The following EXOC4 variants were observed in gnomAD, a reference collection of about 807,000 sequenced individuals.
EXOC4 encodes the protein SEC8-like 1.
In EXOC4, 71 loss-of-function variants were observed where a neutral mutation model predicts 107.2. The ratio of observed to expected loss-of-function variants is 0.66; its 90% CI spans 0.55 to 0.81. The LOEUF is 0.81. EXOC4 is among the 30% of genes least tolerant of loss of function. The pLI is 0.00. For synonymous variants in EXOC4, 456 were observed against 441.2 expected (o/e 1.03, Z -0.42); for missense variants, 1,108 against 1,189.6 (o/e 0.93, Z 1.01).
At chr7:133,329,287 C>G (rs1211348664) in intron 5 of EXOC4, among the ~76,000 whole-genome samples, 2 of 152,206 alleles carry the variant, frequency 1.3e-5, no homozygotes, top group Non-Finnish European at 2.9e-5. Flanking sequence ...TTAAGCTCTT[C>G]TCTATACTGG....
intron 5 of EXOC4, among the ~76,000 whole-genome samples, chr7:133,340,591 A>G (rs2150625008): frequency 6.6e-6 from 1 of 152,158 alleles, no homozygotes; most frequent in South Asian, 2.1e-4. Flanking sequence ...GATTAGTGTC[A>G]ATAGGATTGG....
chr7:133,253,322 T>TCTAACCCCTCCCCAGGGCC (rs1794936201), intron 1 of EXOC4, 135 bp downstream of exon 1: 2 of 1,424,682 alleles, frequency 1.4e-6, no homozygotes, highest in Admixed American at 6.1e-5. Context: ...TCCCCAGGGC[T>TCTAACCCCTCCCCAGGGCC]CTAACCCCTC....
intron 11 of EXOC4, among the ~76,000 whole-genome samples, chr7:133,848,511 T>C (rs1172602871): frequency 4.6e-5 from 7 of 152,204 alleles, no homozygotes; most frequent in Non-Finnish European, 8.8e-5. Flanking sequence ...CTGTGGAAGG[T>C]AATTGTATCT....
chr7:133,822,108 G>T (rs1474364466), intron 11 of EXOC4, among the ~76,000 whole-genome samples: 3 of 152,198 alleles, frequency 2.0e-5, no homozygotes, highest in Non-Finnish European at 4.4e-5. Flanking sequence ...TCTGCAGAAT[G>T]GCCTCCACCT....
At chr7:133,908,035 A>C (rs1799608365) in intron 12 of EXOC4, among the ~76,000 whole-genome samples, 1 of 152,142 alleles carries the variant, frequency 6.6e-6, no homozygotes, top group Non-Finnish European at 1.5e-5. Context: ...AGTACATATC[A>C]GTTGCCCTTC....
chr7:133,976,917 G>C (rs1441380018), intron 14 of EXOC4, among the ~76,000 whole-genome samples: 1 of 152,200 alleles, frequency 6.6e-6, no homozygotes, highest in Non-Finnish European at 1.5e-5. Flanking sequence ...CTTTTTAAAA[G>C]TGAATGTTCT....
At chr7:133,484,309 G>C (rs1044871020) in intron 9 of EXOC4, 1 of 709,038 alleles carries the variant, frequency 1.4e-6, no homozygotes, top group East Asian at 3.5e-5. Context: ...TGTGGGTGCT[G>C]CTTCAAAATG....
intron 10 of EXOC4, among the ~76,000 whole-genome samples, chr7:133,739,219 GGTTTGT>G (rs1488487029): frequency 4.1e-4 from 42 of 101,526 alleles, no homozygotes; most frequent in Admixed American, 1.7e-3. Context: ...CATGTAGAGG[GGTTTGT>G]GTGTGTGTGT....
chr7:133,773,711 T>C (rs1337054456), intron 10 of EXOC4, among the ~76,000 whole-genome samples: 2 of 152,030 alleles, frequency 1.3e-5, no homozygotes, highest in Admixed American at 1.3e-4. Flanking sequence ...CTGGCACTTC[T>C]TTCCTTGCAC....
At chr7:133,436,459 CTTTTTTGT>C (rs895554147) in intron 7 of EXOC4, among the ~76,000 whole-genome samples, 1 of 151,350 alleles carries the variant, frequency 6.6e-6, no homozygotes, top group Non-Finnish European at 1.5e-5. Flanking sequence ...CTCTTTTTCT[CTTTTTTGT>C]CTCTCTTTTC....
At chr7:133,361,122 T>C (rs909349025) in intron 6 of EXOC4, among the ~76,000 whole-genome samples, 5 of 152,148 alleles carry the variant, frequency 3.3e-5, no homozygotes, top group African/African-American at 1.2e-4. Flanking sequence ...GGACCAGACA[T>C]TGGGTAAAAT....
At chr7:133,389,906 A>AG (rs1796814131) in intron 7 of EXOC4, among the ~76,000 whole-genome samples, 1 of 152,014 alleles carries the variant, frequency 6.6e-6, no homozygotes, top group Non-Finnish European at 1.5e-5. Context: ...AAAAAAAAAA[A>AG]AAAAATGCAT....
intron 6 of EXOC4, among the ~76,000 whole-genome samples, chr7:133,364,975 C>T (rs925811002): frequency 6.6e-6 from 1 of 152,096 alleles, no homozygotes; most frequent in African/African-American, 2.4e-5. Flanking sequence ...TGTCATGGGC[C>T]TGATTTTGTT....
the EXOC4 span, among the ~76,000 whole-genome samples, chr7:134,073,149 T>G: frequency 1.6e-5 from 2 of 123,624 alleles, no homozygotes; most frequent in African/African-American, 3.2e-5. Flanking sequence ...GAGGTTGCAG[T>G]GAGCCAAGAC....
At chr7:133,668,024 G>A (rs1348150017) in intron 10 of EXOC4, among the ~76,000 whole-genome samples, 1 of 152,082 alleles carries the variant, frequency 6.6e-6, no homozygotes, top group South Asian at 2.1e-4. Flanking sequence ...TACCTTAATA[G>A]CCATATCATG....
chr7:133,940,639 T>C (rs1800404520), intron 14 of EXOC4, among the ~76,000 whole-genome samples: 1 of 152,238 alleles, frequency 6.6e-6, no homozygotes, highest in Admixed American at 6.5e-5. Context: ...CCCACTTATG[T>C]GCTCTTTGAA....
intron 17 of EXOC4, among the ~76,000 whole-genome samples, chr7:134,054,685 A>G (rs535439671): frequency 2.0e-5 from 3 of 152,268 alleles, no homozygotes; most frequent in East Asian, 1.9e-4. Context: ...CCTGTGTCCT[A>G]TCGAGGGTAG....
At chr7:133,595,673 A>T (rs1330152799) in intron 9 of EXOC4, among the ~76,000 whole-genome samples, 1 of 152,206 alleles carries the variant, frequency 6.6e-6, no homozygotes, top group East Asian at 1.9e-4. Context: ...GTGATCAGAG[A>T]GGTTTAGAAA....
At chr7:133,830,962 T>TTTTG (rs368634443) in intron 11 of EXOC4, among the ~76,000 whole-genome samples, 14 of 152,010 alleles carry the variant, frequency 9.2e-5, no homozygotes, top group African/African-American at 2.4e-4. Context: ...TTGACAGTTT[T>TTTTG]TTTGTTTGTT....
Sources: gnomAD v4.1 joint callset for allele counts (sites outside exome capture counted in the v4.1 genomes callset) on GRCh38, gnomAD v4.1.1 for gene constraint, MANE v1.5 for transcripts, NCBI Gene and HGNC (gene_info 2026-07-23, HGNC 2026-07-21) for gene names.